Variants in ADGB observed in about 807,000 individuals in gnomAD.
The protein encoded by ADGB is calpain-7-like protein.
ADGB carries 172 observed loss-of-function variants against 210.5 expected under a neutral mutation model. That is an observed-to-expected ratio of 0.82 (90% CI 0.72 to 0.93). The LOEUF is 0.93. ADGB is among the 40% of genes least tolerant of loss of function. The pLI, the probability that ADGB is intolerant of heterozygous loss-of-function variation, is 0.00. For synonymous variants in ADGB, 658 were observed against 662.7 expected, an observed-to-expected ratio of 0.99 and a Z score of 0.11; for missense variants, 2,025 against 1,964.8, an observed-to-expected ratio of 1.03 and a Z score of -0.58.
chr6:146,721,687 A>T (rs1399288227), intron 17 of ADGB, among the ~76,000 whole-genome samples, 182 bp downstream of exon 17: 1 of 151,948 alleles, frequency 6.6e-6, no homozygotes, highest in African/African-American at 2.4e-5. Context: ...AAAATACCAA[A>T]ATTAGCCAGG....
Position 146,724,172 on chromosome 6 carries a change from T to C in ADGB, c.2096-14T>C, listed in dbSNP as rs1437379303. On this transcript the variant is annotated splice_polypyrimidine_tract_variant and intron_variant, in intron 17 of 35. Coordinates refer to ENST00000397944, the MANE Select transcript of ADGB (RefSeq NM_024694.4). The stretch of plus-strand genomic sequence containing the variant: ...TCATGATCAAACTTTAATACCTTTT[T>C]ACTTATCTTAAAGCCTTAACAAAAG... The C allele has an allele frequency of 6.5e-7, 1 of 1,541,306 alleles. No individual in the cohort carries two copies. The highest frequency in any genetic ancestry group is 2.5e-5 in the East Asian group (1 of 40,636).
intron 29 of ADGB, among the ~76,000 whole-genome samples, chr6:146,772,888 A>G (rs1399008599): frequency 6.6e-6 from 1 of 152,134 alleles, no homozygotes; most frequent in Non-Finnish European, 1.5e-5. Context: ...CATGAGAAAT[A>G]AAGCTTTGCT....
intron 8 of ADGB, among the ~76,000 whole-genome samples, chr6:146,675,429 C>G (rs1776071548): frequency 6.6e-6 from 1 of 151,638 alleles, no homozygotes; most frequent in Non-Finnish European, 1.5e-5. Context: ...GAGCTGAGAC[C>G]TCGCCACTGC....
intron 9 of ADGB, among the ~76,000 whole-genome samples, chr6:146,684,994 A>G (rs963206232): frequency 6.6e-6 from 1 of 152,062 alleles, no homozygotes; most frequent in Non-Finnish European, 1.5e-5. Flanking sequence ...GGTCTTAAAG[A>G]TATTATTCTT....
At chr6:146,784,541 T>G (rs2114646631) in intron 30 of ADGB, 77 bp from the exon 31 acceptor site, 1 of 1,139,352 alleles carries the variant, frequency 8.8e-7, no homozygotes. Flanking sequence ...ATAGTGAAAT[T>G]ATGTATCATA....
chr6:146,600,222 C>A lies in ADGB; in HGVS notation c.74+1108C>A, dbSNP rs11964620. 9.1e-3 allele frequency: 1,382 copies of A among 152,576 alleles called. 19 individuals are homozygous for A. Among genetic ancestry groups the A allele is most frequent in the African/African-American group, 0.031 (1,300 of 41,324 alleles). 9.5% of individuals were successfully genotyped at this position (152,576 alleles called of 1,614,324 possible). On this transcript the variant is annotated intron_variant, in intron 1 of 35. Transcript: ENST00000397944. The stretch of plus-strand genomic sequence containing the variant: ...GATATTACATATATAAGTAATATTA[C>A]ATATATAATTTTATATAAATATTAC...
chr6:146,600,336 C>T, intron 1 of ADGB: 1 of 269,742 alleles, frequency 3.7e-6, no homozygotes, highest in Non-Finnish European at 7.9e-6. Context: ...CCTCTAGGTC[C>T]AAGGCCGAGG....
chr6:146,614,753 A>G (rs984529708), intron 1 of ADGB, among the ~76,000 whole-genome samples: 1 of 152,200 alleles, frequency 6.6e-6, no homozygotes, highest in East Asian at 1.9e-4. Context: ...GAATTGGCTC[A>G]CAGTTCTGCA....
chr6:146,626,805 T>C (rs916980039), intron 1 of ADGB, among the ~76,000 whole-genome samples: 1 of 151,982 alleles, frequency 6.6e-6, no homozygotes, highest in African/African-American at 2.4e-5. Context: ...TGTAGGTTTA[T>C]AGTTTTCATA....
At chr6:146,609,439 GTC>G (rs2114828059) in intron 1 of ADGB, among the ~76,000 whole-genome samples, 1 of 152,292 alleles carries the variant, frequency 6.6e-6, no homozygotes, top group South Asian at 2.1e-4. Context: ...ACGTAGACTT[GTC>G]TGTGTAGTTA....
intron 30 of ADGB, 138 bp from the exon 31 acceptor site, chr6:146,784,480 G>T (rs374787591): frequency 1.1e-5 from 8 of 703,832 alleles, no homozygotes; most frequent in South Asian, 3.8e-5. Flanking sequence ...GAACATTTTC[G>T]TACAAGTCTT....
In ADGB at chr6:146,801,943, C is replaced by T. The variant is rs200870606; in HGVS notation, c.4750C>T (p.Arg1584Ter). The change falls in exon 35 of 36, where the codon CGA becomes TGA. Residue 1584 changes from arginine (R) to a stop codon, truncating the protein, a stop_gained. Coordinates refer to ENST00000397944, the MANE Select transcript of ADGB (RefSeq NM_024694.4). LOFTEE classifies it high-confidence loss of function. ...GCATAGGACCAGAGTCCTTAGCATT[C>T]GAAACATTGACCAAGAAGAGCGGTT... is the stretch of plus-strand genomic sequence containing the variant. ...RQHRTRVLSI[R>*]NIDQEERLKL... 4.4e-5 allele frequency: 68 copies of T among 1,550,100 alleles called. No individual in the cohort carries two copies. Among genetic ancestry groups the T allele is most frequent in the Non-Finnish European group, 5.6e-5 (64 of 1,146,444 alleles).
rs1473940851 is a variant in ADGB, at chr6:146,721,410, A to G, written c.2000A>G (p.Glu667Gly). 4.5e-6 allele frequency: 7 copies of G among 1,546,004 alleles called. No homozygotes were observed. Among genetic ancestry groups the G allele is most frequent in the Non-Finnish European group, 6.1e-6 (7 of 1,141,766 alleles). ...NFQKSEFKFS[E>G]ERVSYYLFVD... ...TGGTCTAATTTCTTGCAGTTCTCAG[A>G]AGAACGAGTGTCCTACTATCTATTT... The change falls in exon 17 of 36, where the codon GAA (glutamate) becomes GGA (glycine). Residue 667 changes from glutamate (E) to glycine (G), a missense_variant. Glu to Gly is a moderately conservative substitution (Grantham distance 98). Coordinates refer to ENST00000397944, the MANE Select transcript of ADGB (RefSeq NM_024694.4).
intron 20 of ADGB, among the ~76,000 whole-genome samples, chr6:146,731,754 A>G (rs540383696): frequency 1.2e-3 from 186 of 152,208 alleles, no homozygotes; most frequent in African/African-American, 4.4e-3. Context: ...GCAACCACAC[A>G]TATGTCATAG....
intron 5 of ADGB, among the ~76,000 whole-genome samples, chr6:146,659,655 A>G (rs77912378): frequency 2.4e-3 from 361 of 152,280 alleles, no homozygotes; most frequent in Middle Eastern, 6.8e-3. Context: ...AATTGTATCA[A>G]GTTCTTTGAC....
intron 29 of ADGB, among the ~76,000 whole-genome samples, chr6:146,781,421 T>C (rs73584852): frequency 0.018 from 2,681 of 145,778 alleles, 75 homozygotes; most frequent in African/African-American, 0.064. Flanking sequence ...TCTTAACCAA[T>C]GGAACAGAGA....
chr6:146,750,352 G>T (rs1777301817), intron 26 of ADGB, among the ~76,000 whole-genome samples: 1 of 152,004 alleles, frequency 6.6e-6, no homozygotes, highest in Admixed American at 6.6e-5. Context: ...GAGCCCAGGA[G>T]TTTAAGAACA....
At chr6:146,714,225 C>G (rs1776699661) in intron 13 of ADGB, among the ~76,000 whole-genome samples, 1 of 151,974 alleles carries the variant, frequency 6.6e-6, no homozygotes, top group South Asian at 2.1e-4. Flanking sequence ...ATGGCATGGC[C>G]AGAGCTTATC....
Position 146,685,848 on chromosome 6 carries a change from A to C in ADGB, c.1311+20A>C. 6.8e-7 allele frequency: 1 copy of C among 1,467,114 alleles called. No homozygotes were observed. The highest frequency in any genetic ancestry group is 9.2e-7 in the Non-Finnish European group (1 of 1,081,932). 90.9% of individuals were successfully genotyped at this position (1,467,114 alleles called of 1,614,324 possible). On this transcript the variant is annotated intron_variant, in intron 10 of 35. Transcript: ENST00000397944. ...AAGATGGTAAGCATTCAAGCTTAGGAAACAGTATTATTTATTTTGTGTGTG... is the reference window on the plus strand; with the variant it reads ...AAGATGGTAAGCATTCAAGCTTAGGCAACAGTATTATTTATTTTGTGTGTG...
Sources: allele counts gnomAD v4.1 joint callset (sites outside exome capture counted in the v4.1 genomes callset), GRCh38; gene constraint gnomAD v4.1.1; transcripts MANE v1.5; gene names NCBI Gene and HGNC (gene_info 2026-07-23, HGNC 2026-07-21).